RTCA: variants seen among roughly 807,000 people sequenced by gnomAD.
The protein encoded by RTCA is RNA 3'-terminal phosphate cyclase.
A neutral mutation model predicts 46.1 loss-of-function variants in RTCA; 37 were observed. That is an observed-to-expected ratio of 0.80 (90% CI 0.62 to 1.06). RTCA has a LOEUF of 1.06. Ranked by LOEUF, RTCA falls within the 50% of genes least tolerant of loss-of-function variation. The pLI is 0.00. For synonymous variants in RTCA, 164 were observed against 158.3 expected (o/e 1.04, Z -0.27); for missense variants, 435 against 455.5 (o/e 0.95, Z 0.41).
chr1:100,285,673 CAG>C (rs1162947919), intron 9 of RTCA, among the ~76,000 whole-genome samples: 2 of 151,548 alleles, frequency 1.3e-5, no homozygotes, highest in Non-Finnish European at 2.9e-5. Flanking sequence ...TTGGTGGAGA[CAG>C]AGTCTTGCTA....
Position 100,275,635 on chromosome 1 carries a change from A to G in RTCA, c.652A>G (p.Ile218Val), listed in dbSNP as rs1002481356. The part of the protein sequence containing the change: ...KDMAAAAVRC[I>V]RKEIRDLYVN... ...TATGGCAGCGGCAGCAGTTAGATGC[A>G]TCAGAAAGGAGATCCGGGATTTGTA... The change falls in exon 7 of 11, where the codon ATC (isoleucine) becomes GTC (valine). Residue 218 changes from isoleucine to valine, a missense_variant. Transcript: ENST00000370128. The G allele has an allele frequency of 6.2e-7, 1 of 1,612,340 alleles. No homozygotes were observed. The highest frequency in any genetic ancestry group is 8.5e-7 in the Non-Finnish European group (1 of 1,179,136).
chr1:100,291,474 A>G lies in RTCA; in HGVS notation c.1071A>G (p.Gln357=), dbSNP rs1667351291. The part of the protein sequence containing the change: ...AAKDTYIIEC[Q]GIGMTNPNL Reference sequence around the variant, plus strand: ...AAGATACTTATATTATTGAATGCCAAGGAATTGGGATGACAAATCCAAATC... The same window carrying G: ...AAGATACTTATATTATTGAATGCCAGGGAATTGGGATGACAAATCCAAATC... The change falls in exon 11 of 11, where the codon CAA becomes CAG. Residue 357 remains glutamine (Q), a synonymous_variant. Coordinates refer to ENST00000370128, the MANE Select transcript of RTCA (RefSeq NM_003729.4). 1 of 1,611,148 alleles carries G rather than the reference A, an allele frequency of 6.2e-7. No individual in the cohort carries two copies. The highest frequency in any genetic ancestry group is 1.3e-5 in the African/African-American group (1 of 74,854).
At chr1:100,267,177 A>G in intron 2 of RTCA, 1 of 288,322 alleles carries the variant, frequency 3.5e-6, no homozygotes, top group Non-Finnish European at 6.4e-6. Context: ...TGGGCATGCC[A>G]CTAGTTGAGC....
At chr1:100,267,612 C>A in intron 2 of RTCA, 4 of 1,430,698 alleles carry the variant, frequency 2.8e-6, no homozygotes, top group Non-Finnish European at 3.7e-6. Flanking sequence ...CATGGTGGTT[C>A]CTCTGTGTAC....
intron 2 of RTCA, chr1:100,266,946 T>C (rs559278566): frequency 5.5e-6 from 2 of 362,254 alleles, no homozygotes; most frequent in South Asian, 5.2e-5. Context: ...GCTGGCAAGA[T>C]AGATAGGGCA....
At chr1:100,273,478 A>G (rs1488217151) in intron 5 of RTCA, 26 bp downstream of exon 5, 4 of 1,446,398 alleles carry the variant, frequency 2.8e-6, no homozygotes, top group African/African-American at 1.4e-5. Flanking sequence ...CTTAAATGTT[A>G]GGATCTATTA....
chr1:100,291,058 A>T (rs990476816), intron 10 of RTCA, among the ~76,000 whole-genome samples: 1 of 152,212 alleles, frequency 6.6e-6, no homozygotes, highest in Non-Finnish European at 1.5e-5. Context: ...GGGCATAGGG[A>T]ATACAGTTGC....
chr1:100,269,650 TATTATTAAAATTAATA>T (rs1362930013), intron 3 of RTCA, among the ~76,000 whole-genome samples: 2 of 152,086 alleles, frequency 1.3e-5, no homozygotes, highest in Non-Finnish European at 2.9e-5. Flanking sequence ...GAGTGTTTGT[TATTATTAAAATTAATA>T]ATTATTAAAA....
At chr1:100,278,466 G>A (rs1666522136) in intron 8 of RTCA, among the ~76,000 whole-genome samples, 1 of 152,114 alleles carries the variant, frequency 6.6e-6, no homozygotes, top group South Asian at 2.1e-4. Flanking sequence ...CTACTTTGTA[G>A]CATCTTTAAA....
At chr1:100,268,968 C>T (rs1665933436) in intron 3 of RTCA, among the ~76,000 whole-genome samples, 1 of 151,536 alleles carries the variant, frequency 6.6e-6, no homozygotes, top group African/African-American at 2.4e-5. Context: ...GTGGGTGGAT[C>T]GCTTGAGCTC....
intron 5 of RTCA, among the ~76,000 whole-genome samples, chr1:100,273,955 TC>T (rs1220141877): frequency 6.6e-6 from 1 of 152,208 alleles, no homozygotes; most frequent in African/African-American, 2.4e-5. Context: ...AACTTCTTCG[TC>T]CCTCTCCTCC....
At chr1:100,275,249 G>C (rs1167963350) in intron 6 of RTCA, among the ~76,000 whole-genome samples, 1 of 152,106 alleles carries the variant, frequency 6.6e-6, no homozygotes, top group East Asian at 1.9e-4. Flanking sequence ...AGGGTGGAAG[G>C]GGGCTGAGGG....
chr1:100,275,756 A>G, intron 7 of RTCA, 33 bp downstream of exon 7: 1 of 1,571,350 alleles, frequency 6.4e-7, no homozygotes, highest in South Asian at 1.2e-5. Context: ...ACATTAGTTG[A>G]GAACCCTAAA....
Position 100,285,280 on chromosome 1 carries a change from T to A in RTCA, c.852T>A (p.Asn284Lys), listed in dbSNP as rs758810045. The A allele has an allele frequency of 7.4e-6, 12 of 1,613,884 alleles. No individual in the cohort carries two copies. The highest frequency in any genetic ancestry group is 7.6e-6 in the Non-Finnish European group (9 of 1,179,868). The change falls in exon 9 of 11, where the codon AAT (asparagine) becomes AAA (lysine). Residue 284 changes from asparagine to lysine, a missense_variant. Transcript: ENST00000370128. ...GIEAAEMLLA[N>K]LRHGGTVDEY... is the part of the protein sequence containing the mutation. ...AAGCTGCCGAAATGCTATTAGCAAA[T>A]CTTAGACATGGTGGTACTGTGGATG...
intron 5 of RTCA, among the ~76,000 whole-genome samples, chr1:100,274,107 G>A (rs1389087811): frequency 6.6e-6 from 1 of 151,816 alleles, no homozygotes; most frequent in Non-Finnish European, 1.5e-5. Flanking sequence ...TTTTTTCAAC[G>A]TGAAACTTAT....
At chr1:100,269,402 A>C (rs1363132992) in intron 3 of RTCA, among the ~76,000 whole-genome samples, 1 of 143,872 alleles carries the variant, frequency 7.0e-6, no homozygotes, top group African/African-American at 2.6e-5. Context: ...GCTGGAGTGC[A>C]GTGGCATGAT....
intron 3 of RTCA, among the ~76,000 whole-genome samples, chr1:100,269,483 A>G (rs1052329535): frequency 5.3e-5 from 8 of 150,258 alleles, no homozygotes; most frequent in Non-Finnish European, 8.9e-5. Context: ...ACAGGCGTGC[A>G]CCACAATGCC....
intron 9 of RTCA, among the ~76,000 whole-genome samples, chr1:100,286,092 A>C (rs968519573): frequency 6.6e-6 from 1 of 152,084 alleles, no homozygotes; most frequent in African/African-American, 2.4e-5. Context: ...CTTTCTCTTT[A>C]ACTCCTTGCT....
chr1:100,280,110 C>T (rs1666619631), intron 8 of RTCA, among the ~76,000 whole-genome samples: 1 of 152,088 alleles, frequency 6.6e-6, no homozygotes, highest in East Asian at 1.9e-4. Flanking sequence ...AGGGTATTTG[C>T]AAAGGTGAAT....
Sources: allele counts gnomAD v4.1 joint callset (sites outside exome capture counted in the v4.1 genomes callset), GRCh38; gene constraint gnomAD v4.1.1; transcripts MANE v1.5; gene names NCBI Gene and HGNC (gene_info 2026-07-23, HGNC 2026-07-21).